The following DGKG variants were observed in gnomAD, a reference collection of about 807,000 sequenced individuals.
The protein encoded by DGKG is DAG kinase gamma.
Under a neutral mutation model 105.3 loss-of-function variants are expected in DGKG, and 78 were observed. That is an observed-to-expected ratio of 0.74 (90% confidence interval 0.62 to 0.89). The LOEUF is 0.89. DGKG is among the 40% of genes least tolerant of loss of function. The probability of loss-of-function intolerance (pLI) is 0.00; values close to 1 mark genes in which losing one functional copy is unlikely to be tolerated. For synonymous variants in DGKG, 346 were observed against 367.1 expected (o/e 0.94, Z 0.66); for missense variants, 958 against 1,020.1 (o/e 0.94, Z 0.83).
At chr3:186,274,810 T>C (rs6444121) in intron 10 of DGKG, among the ~76,000 whole-genome samples, 62,794 of 151,918 alleles carry the variant, frequency 0.41, 16,105 homozygotes, top group African/African-American at 0.74. Context: ...GGGTTGGTTC[T>C]AAGTCTTTGC....
intron 3 of DGKG, among the ~76,000 whole-genome samples, chr3:186,299,776 T>TCTTC (rs2108615890): frequency 3.8e-5 from 2 of 52,814 alleles, no homozygotes; most frequent in South Asian, 1.5e-3. Flanking sequence ...TCTCTTTCTT[T>TCTTC]CTTTCTTTCT....
At chr3:186,211,672 AAAC>A (rs1363448038) in intron 21 of DGKG, 120 bp downstream of exon 21, 4 of 710,414 alleles carry the variant, frequency 5.6e-6, no homozygotes, top group Non-Finnish European at 1.0e-5. Context: ...CAGGATGGAG[AAAC>A]AACAGAGACT....
At chr3:186,236,262 A>G (rs1336403734) in intron 20 of DGKG, among the ~76,000 whole-genome samples, 1 of 152,238 alleles carries the variant, frequency 6.6e-6, no homozygotes, top group Non-Finnish European at 1.5e-5. Context: ...AGGCCATGTC[A>G]ATGGAGCATT....
At chr3:186,280,521 G>C in intron 8 of DGKG, 149 bp downstream of exon 8, 1 of 556,480 alleles carries the variant, frequency 1.8e-6, no homozygotes, top group South Asian at 3.2e-5. Context: ...AGAGAGGTAG[G>C]AGGTAAAGTG....
At chr3:186,219,322 C>G (rs1719453767) in intron 20 of DGKG, among the ~76,000 whole-genome samples, 1 of 152,176 alleles carries the variant, frequency 6.6e-6, no homozygotes, top group East Asian at 1.9e-4. Flanking sequence ...GTCACCACAT[C>G]TAATCCACGC....
rs1417641488 is a variant in DGKG at position 186,147,631 on chromosome 3, G to A, written c.*2459C>T. The stretch of plus-strand genomic sequence containing the variant: ...GCAACATTGCAAGTCCTGTGCACTA[G>A]GGTGCAGCAGGTAAGGGCCATTTTC... On this transcript the variant is annotated 3_prime_UTR_variant, in exon 25 of 25. Coordinates refer to ENST00000265022, the MANE Select transcript of DGKG (RefSeq NM_001346.3). 1 of 985,178 alleles carries A rather than the reference G, an allele frequency of 1.0e-6. No individual in the cohort carries two copies. Among genetic ancestry groups the A allele is most frequent in the African/African-American group, 1.7e-5 (1 of 57,238 alleles). 61.0% of individuals were successfully genotyped at this position (985,178 alleles called of 1,614,324 possible).
chr3:186,245,812 G>C (rs1720911115), intron 19 of DGKG, among the ~76,000 whole-genome samples: 1 of 151,922 alleles, frequency 6.6e-6, no homozygotes, highest in African/African-American at 2.4e-5. Flanking sequence ...GGAGTATCTA[G>C]GCCAGTGCTA....
At chr3:186,272,181 C>T in intron 11 of DGKG, 74 bp downstream of exon 11, 1 of 1,217,570 alleles carries the variant, frequency 8.2e-7, no homozygotes, top group Non-Finnish European at 1.2e-6. Flanking sequence ...CCCCTTCCTG[C>T]CCAGGAATCC....
rs765584358 is a variant in DGKG, at chr3:186,320,514, C to T, written c.-55G>A. 1.9e-6 allele frequency: 3 copies of T among 1,613,700 alleles called. No homozygotes were observed. The East Asian group carries it at 6.7e-5, about 36-fold the overall frequency. On this transcript the variant is annotated 5_prime_UTR_variant, in exon 2 of 25. Transcript: ENST00000265022. ...CAGTGATGGAGTTTTGTTCACTAGGCTGAAGTGGAGGCCCAGCCCAGGGCC... is the reference window on the plus strand; with the variant it reads ...CAGTGATGGAGTTTTGTTCACTAGGTTGAAGTGGAGGCCCAGCCCAGGGCC...
At chr3:186,252,413 C>T (rs1218526323) in intron 18 of DGKG, among the ~76,000 whole-genome samples, 1 of 152,252 alleles carries the variant, frequency 6.6e-6, no homozygotes, top group Admixed American at 6.5e-5. Flanking sequence ...TCTGGAGTCC[C>T]CACCCCTTTT....
chr3:186,240,795 G>A (rs1177323878), intron 20 of DGKG, among the ~76,000 whole-genome samples: 1 of 124,910 alleles, frequency 8.0e-6, no homozygotes, highest in African/African-American at 2.8e-5. Flanking sequence ...GAGCAACAGA[G>A]CGAAACTCCA....
intron 16 of DGKG, among the ~76,000 whole-genome samples, chr3:186,259,999 G>A (rs1275508456): frequency 2.6e-5 from 4 of 152,132 alleles, no homozygotes; most frequent in South Asian, 2.1e-4. Context: ...ACCCCACAAC[G>A]GAACACCAAG....
intron 1 of DGKG, among the ~76,000 whole-genome samples, chr3:186,329,029 G>A (rs971478410): frequency 5.9e-5 from 9 of 152,144 alleles, no homozygotes; most frequent in African/African-American, 1.7e-4. Context: ...TCTAGCTCAC[G>A]AAGCTCGGCA....
At chr3:186,224,942 A>G (rs891014443) in intron 20 of DGKG, among the ~76,000 whole-genome samples, 4 of 152,018 alleles carry the variant, frequency 2.6e-5, no homozygotes, top group Non-Finnish European at 5.9e-5. Context: ...CAGAGACTAT[A>G]CTTTTAATTT....
At chr3:186,294,414 T>C (rs1340077694) in intron 5 of DGKG, among the ~76,000 whole-genome samples, 1 of 151,882 alleles carries the variant, frequency 6.6e-6, no homozygotes, top group Non-Finnish European at 1.5e-5. Flanking sequence ...CATGCACCTG[T>C]AATCCCAGCT....
At chr3:186,349,105 T>G (rs1032987674) in intron 1 of DGKG, among the ~76,000 whole-genome samples, 2 of 151,960 alleles carry the variant, frequency 1.3e-5, no homozygotes, top group Non-Finnish European at 2.9e-5. Flanking sequence ...CAGGTCTCGC[T>G]CTGTCACTCA....
Position 186,320,541 on chromosome 3 carries a change from G to C in DGKG, c.-82C>G. 6.2e-7 allele frequency: 1 copy of C among 1,609,018 alleles called. No homozygotes were observed. The highest frequency in any genetic ancestry group is 1.1e-5 in the South Asian group (1 of 90,476). ...GAAGTGGAGGCCCAGCCCAGGGCCT[G>C]GCTCATTGCAGGTTTGCGATGTAAG... On this transcript the variant is annotated 5_prime_UTR_variant, in exon 2 of 25. Transcript: ENST00000265022.
intron 1 of DGKG, among the ~76,000 whole-genome samples, chr3:186,349,588 T>C (rs991567120): frequency 9.2e-5 from 14 of 152,200 alleles, no homozygotes; most frequent in African/African-American, 2.9e-4. Context: ...TTTGCATTCT[T>C]AGATGTCTCC....
rs1719055239 is a variant in DGKG, at chr3:186,211,850, G to C, written c.1862C>G (p.Thr621Ser). The C allele has an allele frequency of 1.9e-6, 3 of 1,614,068 alleles. No homozygotes were observed. The highest frequency in any genetic ancestry group is 2.5e-6 in the Non-Finnish European group (3 of 1,180,022). Residue 621 changes from threonine to serine, a missense_variant, in exon 21 of 25, where the codon ACC (threonine) becomes AGC (serine). Around this residue, in one of 2 missense-constraint regions of DGKG, gnomAD observed 315 missense variants for 400.6 expected, o/e 0.79. Coordinates refer to ENST00000265022, the MANE Select transcript of DGKG (RefSeq NM_001346.3). ...KNKLWYFEFG[T>S]SETFAATCKK... ...GCAGGTCGCTGCAAAAGTCTCCGAG[G>C]TGCCAAATTCAAAGTACCACAGCTT... is the stretch of plus-strand genomic sequence containing the variant.
Sources: gnomAD v4.1 joint callset for allele counts (sites outside exome capture counted in the v4.1 genomes callset) on GRCh38, gnomAD v4.1.1 for gene constraint, gnomAD v4.1.1 regional missense constraint, MANE v1.5 for transcripts, NCBI Gene and HGNC (gene_info 2026-07-23, HGNC 2026-07-21) for gene names.